Variants in CES5A observed in about 807,000 individuals in gnomAD.
CES5A encodes the protein carboxylesterase 5A, also known as carboxylesterase 5.
CES5A carries 67 observed loss-of-function variants against 62.9 expected under a neutral mutation model. The ratio of observed to expected loss-of-function variants is 1.07; its 90% confidence interval spans 0.88 to 1.31. CES5A has a LOEUF of 1.31. Ranked by LOEUF, CES5A falls within the 50% of genes most tolerant of loss-of-function variation. The probability of loss-of-function intolerance (pLI) is 0.00; values close to 1 mark genes in which losing one functional copy is unlikely to be tolerated. For missense variants in CES5A, 748 were observed against 708.5 expected, an observed-to-expected ratio of 1.06 and a Z score of -0.63; for synonymous variants, 296 against 280.8, an observed-to-expected ratio of 1.05 and a Z score of -0.54.
intron 4 of CES5A, among the ~76,000 whole-genome samples, chr16:55,868,646 A>T (rs1469015211): frequency 3.9e-5 from 6 of 152,200 alleles, no homozygotes; most frequent in Non-Finnish European, 8.8e-5. Flanking sequence ...TCTGTAAGGC[A>T]GGATTCATAT....
At chr16:55,868,909 G>A (rs2033524850) in intron 4 of CES5A, among the ~76,000 whole-genome samples, 1 of 152,232 alleles carries the variant, frequency 6.6e-6, no homozygotes, top group African/African-American at 2.4e-5. Context: ...TTCCTTGAAG[G>A]ATTATTTTGA....
intron 1 of CES5A, among the ~76,000 whole-genome samples, chr16:55,908,136 C>A (rs1305898001): frequency 6.6e-6 from 1 of 152,078 alleles, no homozygotes; most frequent in Non-Finnish European, 1.5e-5. Context: ...TCAATTTGCT[C>A]CCCTCTAGCC....
chr16:55,939,472 T>A (rs1164426700), intron 2 of CES5A, among the ~76,000 whole-genome samples: 5 of 152,164 alleles, frequency 3.3e-5, no homozygotes, highest in Non-Finnish European at 5.9e-5. Context: ...AACTCAAAGT[T>A]CTATTGAAGT....
At chr16:55,928,863 T>C (rs1320626788), upstream of CES5A, among the ~76,000 whole-genome samples, 1 of 152,174 alleles carries the variant, frequency 6.6e-6, no homozygotes, top group African/African-American at 2.4e-5. Flanking sequence ...TGTCCTTGTC[T>C]TGACAATCCT....
chr16:55,904,951 A>G (rs2034025354), intron 1 of CES5A, among the ~76,000 whole-genome samples: 2 of 152,182 alleles, frequency 1.3e-5, no homozygotes, highest in African/African-American at 2.4e-5. Context: ...TCCTAGTGCT[A>G]TGTCTCACCC....
At chr16:55,864,079 C>A (rs180765783) in intron 5 of CES5A, among the ~76,000 whole-genome samples, 4 of 152,292 alleles carry the variant, frequency 2.6e-5, no homozygotes, top group Admixed American at 6.5e-5. Flanking sequence ...TCGGTTCACT[C>A]CCCTGTAAAA....
At chr16:55,868,125 C>T (rs1445324119) in intron 4 of CES5A, among the ~76,000 whole-genome samples, 1 of 152,196 alleles carries the variant, frequency 6.6e-6, no homozygotes, top group Non-Finnish European at 1.5e-5. Context: ...CTTGCCTTCC[C>T]GCATCCATCT....
At chr16:55,907,807 G>C (rs901560091) in intron 1 of CES5A, among the ~76,000 whole-genome samples, 23 of 152,138 alleles carry the variant, frequency 1.5e-4, no homozygotes, top group African/African-American at 5.3e-4. Context: ...TCACCACCAA[G>C]CCCCTGTCAC....
intron 1 of CES5A, among the ~76,000 whole-genome samples, chr16:55,900,033 G>A (rs2033974782): frequency 6.6e-6 from 1 of 152,072 alleles, no homozygotes. Context: ...GCCCAGAGAG[G>A]GTAAGGGGAT....
chr16:55,938,735 CAAAAAAAAAAAAAAAAAAAA>C (rs1171756916), intron 2 of CES5A, among the ~76,000 whole-genome samples: 4 of 29,132 alleles, frequency 1.4e-4, no homozygotes, highest in African/African-American at 2.0e-4. Flanking sequence ...GACTCCATCT[CAAAAAAAAAAAAAAAAAAAA>C]AAAAAAAAAA....
intron 1 of CES5A, 68 bp from the exon 2 acceptor site, chr16:55,874,105 G>A: frequency 7.1e-7 from 1 of 1,412,826 alleles, no homozygotes; most frequent in South Asian, 1.2e-5. Context: ...CACCCAGTCT[G>A]GAGCTCCCCA....
chr16:55,885,260 T>TGTGCCTCGTCAATCACCC (rs2033803019), intron 1 of CES5A, among the ~76,000 whole-genome samples: 3 of 152,152 alleles, frequency 2.0e-5, no homozygotes, highest in Non-Finnish European at 2.9e-5. Context: ...AGCCATCACC[T>TGTGCCTCGTCAATCACCC]TGTGCCTCGT....
At chr16:55,932,439 A>G (rs532710054) in intron 2 of CES5A, among the ~76,000 whole-genome samples, 3 of 152,324 alleles carry the variant, frequency 2.0e-5, no homozygotes, top group Admixed American at 6.5e-5. Context: ...GTTTACTGTC[A>G]GTGGATGAGA....
intron 1 of CES5A, among the ~76,000 whole-genome samples, chr16:55,891,372 T>G (rs1257924222): frequency 6.6e-6 from 1 of 152,234 alleles, no homozygotes; most frequent in Non-Finnish European, 1.5e-5. Flanking sequence ...GAGTGCTATT[T>G]CTTTTGCAGC....
chr16:55,951,881 CCAAT>C (rs1246935774), intron 1 of CES5A, among the ~76,000 whole-genome samples: 1 of 152,042 alleles, frequency 6.6e-6, no homozygotes. Context: ...CAGAAATCAC[CCAAT>C]CAAATAGCTG....
At chr16:55,854,527 G>GTTTCTTTCTTTTTTC (rs56360324) in intron 9 of CES5A, among the ~76,000 whole-genome samples, 1 of 116,692 alleles carries the variant, frequency 8.6e-6, no homozygotes, top group African/African-American at 3.5e-5. Context: ...TGCCTGTAGT[G>GTTTCTTTCTTTTTTC]TTTCTTTTTT....
chr16:55,877,932 G>A (rs193254321), upstream of CES5A, among the ~76,000 whole-genome samples: 1 of 152,302 alleles, frequency 6.6e-6, no homozygotes, highest in Admixed American at 6.5e-5. Flanking sequence ...GCAATAGAAA[G>A]ATCTGGGAGG....
chr16:55,936,109 C>A (rs1157281792), intron 2 of CES5A, among the ~76,000 whole-genome samples: 1 of 152,142 alleles, frequency 6.6e-6, no homozygotes, highest in Non-Finnish European at 1.5e-5. Context: ...GGTGCTTCAA[C>A]TCTCACTCCT....
intron 2 of CES5A, among the ~76,000 whole-genome samples, chr16:55,934,795 T>C (rs1435220153): frequency 6.6e-6 from 1 of 152,278 alleles, no homozygotes; most frequent in East Asian, 1.9e-4. Flanking sequence ...CAGTCAGCAA[T>C]CTGGGGGCCC....
Sources: gnomAD v4.1 joint callset for allele counts (sites outside exome capture counted in the v4.1 genomes callset) on GRCh38, gnomAD v4.1.1 for gene constraint, MANE v1.5 for transcripts, NCBI Gene and HGNC (gene_info 2026-07-23, HGNC 2026-07-21) for gene names.